The following PANK4 variants were observed in gnomAD, a reference collection of about 807,000 sequenced individuals.
PANK4 encodes the protein pantothenate kinase 4 (inactive).
Under a neutral mutation model 87.9 loss-of-function variants are expected in PANK4, and 40 were observed. The ratio of observed to expected loss-of-function variants is 0.46; its 90% CI spans 0.35 to 0.59. The LOEUF (loss-of-function observed/expected upper bound fraction) is 0.59. Ranked by LOEUF, PANK4 falls within the 20% of genes least tolerant of loss-of-function variation. The pLI is 0.00. For missense variants in PANK4, 926 were observed against 1,072.3 expected, an observed-to-expected ratio of 0.86 and a Z score of 1.90; for synonymous variants, 524 against 467.4, an observed-to-expected ratio of 1.12 and a Z score of -1.56.
rs267598458 is a variant in PANK4 at position 2,514,072 on chromosome 1, G to A, written c.1505C>T (p.Thr502Ile). The change falls in exon 12 of 19, where the codon ACC (threonine) becomes ATC (isoleucine). Residue 502 changes from threonine (T) to isoleucine (I), a missense_variant. Thr to Ile is a moderately conservative substitution (Grantham distance 89). Transcript: ENST00000378466. ...CCTGGTGTCCAGCAGGCTGCGCACG[G>A]TCAGGGTCCCATAGGCGCTGGGGAC... is the stretch of plus-strand genomic sequence containing the variant. Reference protein sequence around the residue: ...RQQPFAYGTLTVRSLLDTREH... With the variant: ...RQQPFAYGTLIVRSLLDTREH... The A allele has an allele frequency of 2.5e-6, 4 of 1,612,628 alleles. No individual in the cohort carries two copies. The highest frequency in any genetic ancestry group is 3.4e-6 in the Non-Finnish European group (4 of 1,179,736).
At position 2,520,498 on chromosome 1, in the gene PANK4, G is replaced by A; in HGVS notation, c.607-84C>T. 8.2e-7 allele frequency: 1 copy of A among 1,213,150 alleles called. No individual in the cohort carries two copies. The highest frequency in any genetic ancestry group is 1.3e-5 in the South Asian group (1 of 78,022). The allele number at this position is 1,213,150 out of a possible 1,614,324, so 75.1% of individuals were successfully genotyped here. A position where few individuals can be genotyped will look rare whatever the true frequency, so the allele number is the denominator to read the frequency against. Reference sequence around the variant, plus strand: ...CGCCCCCCGCCCCATGTGCTGCGCTGGGGTGAACCCCGCCCCCACCCCAAC... The same window carrying A: ...CGCCCCCCGCCCCATGTGCTGCGCTAGGGTGAACCCCGCCCCCACCCCAAC... On this transcript the variant is annotated intron_variant, in intron 4 of 18. Coordinates refer to ENST00000378466, the MANE Select transcript of PANK4 (RefSeq NM_018216.4). This position sits in a 1 kb window ranked among gnomAD's most constrained non-coding sequence, Gnocchi z 6.2.
rs1169093377 is a variant in PANK4, at chr1:2,521,136, C to T, written c.387G>A (p.Lys129=). ...GCTTCTCTTCGATGAGGTCTTTGAA[C>T]TTGTAGGCCCCGCCCCCGGTCGCCT... ...VIQATGGGAY[K]FKDLIEEKLR... is the part of the protein sequence containing the mutation. Residue 129 remains lysine, a synonymous_variant, in exon 3 of 19, where the codon AAG becomes AAA. Transcript: ENST00000378466. The T allele has an allele frequency of 6.2e-7, 1 of 1,613,828 alleles. No individual in the cohort carries two copies. The highest frequency in any genetic ancestry group is 1.3e-5 in the African/African-American group (1 of 75,022).
In PANK4 at chr1:2,520,078, G is replaced by A; in HGVS notation, c.700-124C>T. 1 of 984,080 alleles carries A rather than the reference G, an allele frequency of 1.0e-6. No homozygotes were observed. Among genetic ancestry groups the A allele is most frequent in the Non-Finnish European group, 1.5e-6 (1 of 679,958 alleles). The allele number at this position is 984,080 out of a possible 1,614,324, so 61.0% of individuals were successfully genotyped here. ...GGGGTAAATGGGCCCTCATCGCGTG[G>A]GACCAAAGGCAGGAGGCGGCAAGCG... On this transcript the variant is annotated intron_variant, in intron 5 of 18. Transcript: ENST00000378466. This position sits in a 1 kb window ranked among gnomAD's most constrained non-coding sequence, Gnocchi z 6.2.
chr1:2,509,083 G>A lies in PANK4; in HGVS notation c.2109-23C>T, dbSNP rs1226451173. 3.2e-6 allele frequency: 5 copies of A among 1,570,876 alleles called. No individual in the cohort carries two copies. The African/African-American group carries it at 4.0e-5, about 13-fold the overall frequency. On this transcript the variant is annotated intron_variant, in intron 18 of 18. Coordinates refer to ENST00000378466, the MANE Select transcript of PANK4 (RefSeq NM_018216.4). The surrounding 1 kb of genome is among the most constrained non-coding windows in gnomAD (Gnocchi z 4.9). ...CGGCTTTGGGGAGGAAGAGGACGGTGAGACTGGGCAAGCAGACCCCAGACC... is the reference window on the plus strand; with the variant it reads ...CGGCTTTGGGGAGGAAGAGGACGGTAAGACTGGGCAAGCAGACCCCAGACC...
In PANK4 at chr1:2,512,687, G is replaced by A. The variant is rs116199537; in HGVS notation, c.1727+201C>T. Reference sequence around the variant, plus strand: ...GGAAGGGGCCTCCTCAGAACCTGAGGGGACAGACAAGGGCGCTGCGCCCTG... The same window carrying A: ...GGAAGGGGCCTCCTCAGAACCTGAGAGGACAGACAAGGGCGCTGCGCCCTG... On this transcript the variant is annotated intron_variant, in intron 13 of 18. Transcript: ENST00000378466. 3,920 of 586,414 alleles carry A rather than the reference G, an allele frequency of 6.7e-3. 20 individuals are homozygous for A. The highest frequency in any genetic ancestry group is 9.6e-3 in the Non-Finnish European group (3,171 of 331,714). 36.3% of individuals were successfully genotyped at this position (586,414 alleles called of 1,614,324 possible). A position where few individuals can be genotyped will look rare whatever the true frequency, so the allele number is the denominator to read the frequency against.
chr1:2,523,481 T>C (rs1643895135), intron 1 of PANK4, among the ~76,000 whole-genome samples: 1 of 152,106 alleles, frequency 6.6e-6, no homozygotes, highest in Admixed American at 6.5e-5. Flanking sequence ...AAGAGACTCA[T>C]CAAAAGTCAG....
intron 3 of PANK4, 57 bp downstream of exon 3, chr1:2,521,044 C>A: frequency 1.9e-6 from 3 of 1,552,546 alleles, no homozygotes; most frequent in Non-Finnish European, 2.7e-6. Flanking sequence ...CTCTGGGACA[C>A]CCAGGGACTC....
intron 2 of PANK4, 171 bp downstream of exon 2, chr1:2,521,547 A>G (rs545780077): frequency 4.4e-5 from 32 of 727,838 alleles, no homozygotes; most frequent in East Asian, 2.7e-4. Context: ...GTTCCTACAA[A>G]GGGTCTTGAA....
At position 2,508,569 on chromosome 1, in the gene PANK4, C is replaced by T. The variant is rs1015647240; in HGVS notation, c.*278G>A. ...AAAAACTCTATTTGGTGCGTGCCCA[C>T]GGTGCTGCGTCCCGTCAGACATACC... On this transcript the variant is annotated 3_prime_UTR_variant, in exon 19 of 19. Coordinates refer to ENST00000378466, the MANE Select transcript of PANK4 (RefSeq NM_018216.4). This position sits in a 1 kb window ranked among gnomAD's most constrained non-coding sequence, Gnocchi z 5.1. 3 of 184,168 alleles carry T rather than the reference C, an allele frequency of 1.6e-5. No individual in the cohort carries two copies. The highest frequency in any genetic ancestry group is 6.1e-5 in the Admixed American group (1 of 16,266). The allele number at this position is 184,168 out of a possible 1,614,324, so 11.4% of individuals were successfully genotyped here. A position where few individuals can be genotyped will look rare whatever the true frequency, so the allele number is the denominator to read the frequency against.
intron 3 of PANK4, 38 bp downstream of exon 3, chr1:2,521,059 GCAGA>G (rs972953260): frequency 6.4e-7 from 1 of 1,567,008 alleles, no homozygotes. Flanking sequence ...GGACTCGGGG[GCAGA>G]CACATGTTCC....
Position 2,514,076 on chromosome 1 carries a change from G to A in PANK4, c.1501C>T (p.Leu501=), listed in dbSNP as rs1643713641. 1 of 1,612,484 alleles carries A rather than the reference G, an allele frequency of 6.2e-7. No individual in the cohort carries two copies. The part of the protein sequence containing the change: ...LRQQPFAYGT[L]TVRSLLDTRE... ...GTGTCCAGCAGGCTGCGCACGGTCA[G>A]GGTCCCATAGGCGCTGGGGACAGAC... Residue 501 remains leucine, a synonymous_variant, in exon 12 of 19, where the codon CTG becomes TTG. Coordinates refer to ENST00000378466, the MANE Select transcript of PANK4 (RefSeq NM_018216.4).
chr1:2,518,243 C>A lies in PANK4; in HGVS notation c.1139G>T (p.Gly380Val). ...EQDNPNQYSW[G>V]ENYAGSSGLM... ...CCCGGAGCTGCCTGCATAGTTCTCT[C>A]CCCAGCTGTACTGGTTAGGATCTGG... Residue 380 changes from glycine (G) to valine (V), a missense_variant, in exon 9 of 19, where the codon GGA becomes GTA. Physicochemically the swap from Gly to Val is moderately radical, Grantham distance 109. Transcript: ENST00000378466. The A allele has an allele frequency of 6.2e-7, 1 of 1,611,768 alleles. No homozygotes were observed. The highest frequency in any genetic ancestry group is 8.5e-7 in the Non-Finnish European group (1 of 1,179,344).
Position 2,514,357 on chromosome 1 carries a change from G to A in PANK4, c.1484C>T (p.Pro495Leu). The A allele has an allele frequency of 6.2e-7, 1 of 1,609,616 alleles. No individual in the cohort carries two copies. Among genetic ancestry groups the A allele is most frequent in the Non-Finnish European group, 8.5e-7 (1 of 1,177,266 alleles). ...WNKLQTLRQQ[P>L]FAYGTLTVRS... ...CACCGGGGTGCTGGGCACTTACAAG[G>A]GCTGCTGCCTCAGGGTCTGAAGCTT... Residue 495 changes from proline (P) to leucine (L), a missense_variant, in exon 11 of 19, where the codon CCC (proline) becomes CTC (leucine). Coordinates refer to ENST00000378466, the MANE Select transcript of PANK4 (RefSeq NM_018216.4).
At position 2,518,606 on chromosome 1, in the gene PANK4, G is replaced by A. The variant is rs770855005; in HGVS notation, c.1036-9C>T. 3 of 1,562,342 alleles carry A rather than the reference G, an allele frequency of 1.9e-6. No homozygotes were observed. The highest frequency in any genetic ancestry group is 1.4e-5 in the African/African-American group (1 of 73,736). ...AGCGCCTGCACTTCCCCCTGCCGTG[G>A]CCAAAGCACACGTGCTGCTGTTGGC... is the stretch of plus-strand genomic sequence containing the variant. On this transcript the variant is annotated splice_polypyrimidine_tract_variant and intron_variant, in intron 7 of 18. Transcript: ENST00000378466.
rs1570529606 is a variant in PANK4, at chr1:2,509,733, G to T, written c.2108+129C>A. 45 of 774,440 alleles carry T rather than the reference G, an allele frequency of 5.8e-5. No homozygotes were observed. The East Asian group carries it at 1.2e-3, about 20-fold the overall frequency. The allele number at this position is 774,440 out of a possible 1,614,324, so 48.0% of individuals were successfully genotyped here. On this transcript the variant is annotated intron_variant, in intron 18 of 18. Coordinates refer to ENST00000378466, the MANE Select transcript of PANK4 (RefSeq NM_018216.4). The surrounding 1 kb of genome is among the most constrained non-coding windows in gnomAD (Gnocchi z 4.9). ...TCTGTCCCCTCCTGAGATCAATCCG[G>T]GCCTGGGGTCAGGAGAGGCCGCAGG...
Position 2,519,096 on chromosome 1 carries a change from C to T in PANK4, c.1035+47G>A. ...AACCAGCATGACTGATTGGGAAGAT[C>T]CTGGGGGGTCTGCGTTAGAGGCTGG... On this transcript the variant is annotated intron_variant, in intron 7 of 18. Transcript: ENST00000378466. The surrounding 1 kb of genome is among the most constrained non-coding windows in gnomAD (Gnocchi z 8.3). The T allele has an allele frequency of 6.4e-7, 1 of 1,556,228 alleles. No individual in the cohort carries two copies. Among genetic ancestry groups the T allele is most frequent in the Non-Finnish European group, 8.8e-7 (1 of 1,137,042 alleles).
Position 2,514,392 on chromosome 1 carries a change from C to T in PANK4, c.1449G>A (p.Lys483=). 1 of 1,612,548 alleles carries T rather than the reference C, an allele frequency of 6.2e-7. No individual in the cohort carries two copies. Among genetic ancestry groups the T allele is most frequent in the Non-Finnish European group, 8.5e-7 (1 of 1,179,902 alleles). ...AAERAEKFRQ[K]YWNKLQTLRQ... ...TCAGGGTCTGAAGCTTGTTCCAGTA[C>T]TTCTGCCGGAACTTCTCCGCCCTCT... The change falls in exon 11 of 19, where the codon AAG becomes AAA. Residue 483 remains lysine (K), a synonymous_variant. Coordinates refer to ENST00000378466, the MANE Select transcript of PANK4 (RefSeq NM_018216.4).
At position 2,511,322 on chromosome 1, in the gene PANK4, AGGC is replaced by A; in HGVS notation, c.1833+13_1833+15del. On this transcript the variant is annotated intron_variant, in intron 15 of 18. Coordinates refer to ENST00000378466, the MANE Select transcript of PANK4 (RefSeq NM_018216.4). ...CTGTGTCCCCAGCAGCAGAGGTGGG[AGGC>A]CCCTCCACATACCTTTAATCTCTGA... 6.3e-7 allele frequency: 1 copy of A among 1,589,046 alleles called. No individual in the cohort carries two copies. Among genetic ancestry groups the A allele is most frequent in the Non-Finnish European group, 8.6e-7 (1 of 1,158,370 alleles).
At position 2,515,229 on chromosome 1, in the gene PANK4, C is replaced by A. The variant is rs1643746441; in HGVS notation, c.1374+333G>T. 2.0e-6 allele frequency: 1 copy of A among 491,876 alleles called. No homozygotes were observed. The allele number at this position is 491,876 out of a possible 1,614,324, so 30.5% of individuals were successfully genotyped here. A position where few individuals can be genotyped will look rare whatever the true frequency, so the allele number is the denominator to read the frequency against. ...TCACCCCACCCCCAGAGTCAGGGTC[C>A]CACAATGCCTCCCGCACCTCAGTCA... is the stretch of plus-strand genomic sequence containing the variant. On this transcript the variant is annotated intron_variant, in intron 10 of 18. Transcript: ENST00000378466. This position sits in a 1 kb window ranked among gnomAD's most constrained non-coding sequence, Gnocchi z 5.0.
Sources: allele counts gnomAD v4.1 joint callset (sites outside exome capture counted in the v4.1 genomes callset), GRCh38; gene constraint gnomAD v4.1.1; non-coding constraint Gnocchi (gnomAD v3.1); transcripts MANE v1.5; gene names NCBI Gene and HGNC (gene_info 2026-07-23, HGNC 2026-07-21).